ILRUN: variants seen among roughly 807,000 people sequenced by gnomAD.
ILRUN encodes the protein inflammation and lipid regulator with UBA-like and NBR1-like domains.
A neutral mutation model predicts 33.8 loss-of-function variants in ILRUN; 3 were observed. The ratio of observed to expected loss-of-function variants is 0.09; its 90% CI spans 0.04 to 0.23. The LOEUF (loss-of-function observed/expected upper bound fraction) is 0.23, where lower values mean the gene tolerates loss of function less well. Ranked by LOEUF, ILRUN falls within the 10% of genes least tolerant of loss-of-function variation. The pLI is 1.00. For missense variants in ILRUN, 210 were observed against 375.1 expected, an observed-to-expected ratio of 0.56 and a Z score of 3.64; for synonymous variants, 124 against 138.9, an observed-to-expected ratio of 0.89 and a Z score of 0.75.
At chr6:34,601,711 C>CCA (rs1554182776) in intron 4 of ILRUN, among the ~76,000 whole-genome samples, 15 of 148,284 alleles carry the variant, frequency 1.0e-4, no homozygotes, top group African/African-American at 3.0e-4. Flanking sequence ...ACCCGCCCCC[C>CCA]CAACTACTGT....
chr6:34,662,109 A>G, intron 1 of ILRUN, among the ~76,000 whole-genome samples: 1 of 128,898 alleles, frequency 7.8e-6, no homozygotes, highest in African/African-American at 2.8e-5. Flanking sequence ...TGGGCGACAG[A>G]GCGAGACTCC....
At chr6:34,692,134 T>C (rs987611874) in intron 1 of ILRUN, among the ~76,000 whole-genome samples, 1 of 152,090 alleles carries the variant, frequency 6.6e-6, no homozygotes, top group African/African-American at 2.4e-5. Flanking sequence ...CAGCTAATTT[T>C]TTTATTTTTG....
chr6:34,647,203 A>G (rs1305154915), intron 2 of ILRUN, among the ~76,000 whole-genome samples: 2 of 152,214 alleles, frequency 1.3e-5, no homozygotes, highest in African/African-American at 2.4e-5. Context: ...TTTTCACAGT[A>G]TATCTGATTG....
chr6:34,605,101 G>C (rs1761597918), intron 4 of ILRUN, among the ~76,000 whole-genome samples: 1 of 152,162 alleles, frequency 6.6e-6, no homozygotes. Flanking sequence ...GAGGTCAAGA[G>C]TTACAGACCA....
chr6:34,660,317 A>T (rs751405475), intron 1 of ILRUN, among the ~76,000 whole-genome samples: 44 of 152,194 alleles, frequency 2.9e-4, no homozygotes, highest in East Asian at 7.7e-4. Context: ...AAATAAATTT[A>T]AAAAATCAGA....
At chr6:34,633,108 A>T (rs1762281371) in intron 3 of ILRUN, among the ~76,000 whole-genome samples, 1 of 152,252 alleles carries the variant, frequency 6.6e-6, no homozygotes, top group Admixed American at 6.5e-5. Context: ...CCTTGTAAAC[A>T]CTAGTCAAAA....
Position 34,646,896 on chromosome 6 carries a change from C to T in ILRUN, c.314-98G>A, listed in dbSNP as rs1382677707. 1.9e-6 allele frequency: 2 copies of T among 1,039,284 alleles called. No homozygotes were observed. The highest frequency in any genetic ancestry group is 3.1e-5 in the African/African-American group (2 of 63,496). 64.4% of individuals were successfully genotyped at this position (1,039,284 alleles called of 1,614,324 possible). ...GTAGAAGAGGCCTCTTTCTTTTTCT[C>T]ACATACATACATAAACCTAACCACA... On this transcript the variant is annotated intron_variant, in intron 2 of 4. Transcript: ENST00000374023. This position sits in a 1 kb window ranked among gnomAD's most constrained non-coding sequence, Gnocchi z 4.9.
chr6:34,676,388 G>A (rs1763229980), intron 1 of ILRUN, among the ~76,000 whole-genome samples: 1 of 142,396 alleles, frequency 7.0e-6, no homozygotes, highest in African/African-American at 2.8e-5. Flanking sequence ...AACAGAGCAA[G>A]ACCCTTTCTC....
At chr6:34,681,736 C>G (rs1344050606) in intron 1 of ILRUN, among the ~76,000 whole-genome samples, 2 of 150,892 alleles carry the variant, frequency 1.3e-5, no homozygotes, top group African/African-American at 4.9e-5. Flanking sequence ...TACTTATTAA[C>G]AAAGCAAAAC....
At chr6:34,629,766 T>G (rs1012271073) in intron 3 of ILRUN, among the ~76,000 whole-genome samples, 5 of 152,212 alleles carry the variant, frequency 3.3e-5, no homozygotes, top group African/African-American at 4.8e-5. Context: ...CCTTTCTCTA[T>G]TCTCCTTCTG....
At chr6:34,691,750 C>T (rs1272010551) in intron 1 of ILRUN, among the ~76,000 whole-genome samples, 1 of 151,750 alleles carries the variant, frequency 6.6e-6, no homozygotes, top group African/African-American at 2.4e-5. Flanking sequence ...GAGCCAAGAT[C>T]GCACCACTGC....
intron 1 of ILRUN, 94 bp from the exon 2 acceptor site, chr6:34,654,873 G>A (rs2127365926): frequency 7.9e-7 from 1 of 1,260,206 alleles, no homozygotes; most frequent in Non-Finnish European, 1.1e-6. Flanking sequence ...CTTAGGGTTT[G>A]TCACAGAACC....
rs1182372076 is a variant in ILRUN at position 34,587,429 on chromosome 6, A to C, written c.*3136T>G. 1 of 152,656 alleles carries C rather than the reference A, an allele frequency of 6.6e-6. No individual in the cohort carries two copies. Among genetic ancestry groups the C allele is most frequent in the Non-Finnish European group, 1.5e-5 (1 of 68,052 alleles). 9.5% of individuals were successfully genotyped at this position (152,656 alleles called of 1,614,324 possible). ...TGGCTTTCTACACACACCACTGTCCAGGTGGGAAGGGCAGCCACTGCTGCT... is the reference window on the plus strand; with the variant it reads ...TGGCTTTCTACACACACCACTGTCCCGGTGGGAAGGGCAGCCACTGCTGCT... On this transcript the variant is annotated 3_prime_UTR_variant, in exon 5 of 5. Transcript: ENST00000374023.
chr6:34,616,274 G>A (rs1252645426), intron 3 of ILRUN, among the ~76,000 whole-genome samples: 1 of 152,200 alleles, frequency 6.6e-6, no homozygotes, highest in Non-Finnish European at 1.5e-5. Context: ...AGATTTGAAG[G>A]TTGTGGGTTC....
Position 34,606,561 on chromosome 6 carries a change from G to T in ILRUN, c.855C>A (p.Tyr285Ter). 6.2e-7 allele frequency: 1 copy of T among 1,612,842 alleles called. No homozygotes were observed. The highest frequency in any genetic ancestry group is 8.5e-7 in the Non-Finnish European group (1 of 1,179,170). The change falls in exon 4 of 5, where the codon TAC (tyrosine) becomes TAA (stop). Residue 285 changes from tyrosine (Y) to a stop codon, truncating the protein, a stop_gained. Coordinates refer to ENST00000374023, the MANE Select transcript of ILRUN (RefSeq NM_024294.4). LOFTEE classifies it high-confidence loss of function. ...CTTCTCCAAGGGCACCTACCTTACTGTAAGTCACTACTGATAAGTTGTTTG... is the reference window on the plus strand; with the variant it reads ...CTTCTCCAAGGGCACCTACCTTACTTTAAGTCACTACTGATAAGTTGTTTG... ...SHANNLSVVT[Y>*]SKGLHGPYPF... is the part of the protein sequence containing the mutation.
In ILRUN at chr6:34,646,762, T is replaced by C; in HGVS notation, c.350A>G (p.Tyr117Cys). The change falls in exon 3 of 5, where the codon TAT becomes TGT. Residue 117 changes from tyrosine (Y) to cysteine (C), a missense_variant. This residue lies in a region of ILRUN where 60 missense variants were observed against 138.1 expected (regional missense o/e 0.43). Coordinates refer to ENST00000374023, the MANE Select transcript of ILRUN (RefSeq NM_024294.4). This position sits in a 1 kb window ranked among gnomAD's most constrained non-coding sequence, Gnocchi z 4.9. ...EAWPPGVCLK[Y>C]VGGDQFGHVN... ...ATGTCCAAATTGGTCTCCCCCGACA[T>C]ATTTAAGACAAACCCCTGGAGGCCA... 2 of 1,614,016 alleles carry C rather than the reference T, an allele frequency of 1.2e-6. No homozygotes were observed. Among genetic ancestry groups the C allele is most frequent in the Non-Finnish European group, 1.7e-6 (2 of 1,180,026 alleles).
intron 1 of ILRUN, among the ~76,000 whole-genome samples, chr6:34,676,442 C>CTAGA (rs1554188908): frequency 8.7e-5 from 13 of 149,858 alleles, no homozygotes; most frequent in East Asian, 3.9e-4. Flanking sequence ...AGCTAGCTAG[C>CTAGA]TAGATAGATA....
chr6:34,616,882 G>A, intron 3 of ILRUN: 1 of 658,268 alleles, frequency 1.5e-6, no homozygotes, highest in South Asian at 1.4e-5. Context: ...GAACTTTTGT[G>A]AAGCTCAACA....
rs34941561 is a variant in ILRUN at position 34,587,889 on chromosome 6, A to AC, written c.*2675dup. 0.13 allele frequency: 51,215 copies of AC among 396,180 alleles called. 4,323 individuals carry two copies. Among genetic ancestry groups the AC allele is most frequent in the African/African-American group, 0.29 (14,255 of 48,594 alleles). 24.5% of individuals were successfully genotyped at this position (396,180 alleles called of 1,614,324 possible). ...TCCCCAACTGGGTTCAGACCCTATC[A>AC]CCTAACCATGGTGTCTGCCTCACCT... On this transcript the variant is annotated 3_prime_UTR_variant, in exon 5 of 5. Transcript: ENST00000374023.
Sources: allele counts gnomAD v4.1 joint callset (sites outside exome capture counted in the v4.1 genomes callset), GRCh38; gene constraint gnomAD v4.1.1; regional missense constraint gnomAD v4.1.1; non-coding constraint Gnocchi (gnomAD v3.1); transcripts MANE v1.5; gene names NCBI Gene and HGNC (gene_info 2026-07-23, HGNC 2026-07-21).